Variants in KIF1A observed in about 807,000 individuals in gnomAD.
KIF1A encodes the protein kinesin-like protein KIF1A.
KIF1A carries 46 observed loss-of-function variants against 227.3 expected under a neutral mutation model. The ratio of observed to expected loss-of-function variants is 0.20; its 90% CI spans 0.16 to 0.26. The LOEUF (loss-of-function observed/expected upper bound fraction) is 0.26, where lower values mean the gene tolerates loss of function less well. Ranked by LOEUF, KIF1A falls within the 10% of genes least tolerant of loss-of-function variation. The pLI is 1.00. For missense variants in KIF1A, 1,683 were observed against 2,485.9 expected, an observed-to-expected ratio of 0.68 and a Z score of 6.87; for synonymous variants, 1,022 against 1,012.8, an observed-to-expected ratio of 1.01 and a Z score of -0.17.
rs977868651 is a variant in KIF1A, at chr2:240,778,278, G to A, written c.883-2352C>T. On this transcript the variant is annotated intron_variant, in intron 10 of 48. Coordinates refer to ENST00000498729, the MANE Select transcript of KIF1A (RefSeq NM_001244008.2). This position sits in a 1 kb window ranked among gnomAD's most constrained non-coding sequence, Gnocchi z 7.2. ...TGTGGAGTTCTTTACACAGTTCCAC[G>A]CGATCCTCACCTAGGTCTCTACATA... 1.3e-5 allele frequency among the ~76,000 whole-genome samples: 2 copies of A among 151,878 alleles called. No homozygotes were observed. The highest frequency in any genetic ancestry group is 2.4e-5 in the African/African-American group (1 of 41,312).
In KIF1A at chr2:240,726,472, G is replaced by A. The variant is rs775651395; in HGVS notation, c.4122+354C>T. Reference sequence around the variant, plus strand: ...CTAAAAGTTCAAAAATTAGCCGGGCGTGGTGGCAGGCACCTGTAATCCCAG... The same window carrying A: ...CTAAAAGTTCAAAAATTAGCCGGGCATGGTGGCAGGCACCTGTAATCCCAG... On this transcript the variant is annotated intron_variant, in intron 39 of 48. Transcript: ENST00000498729. The surrounding 1 kb of genome is among the most constrained non-coding windows in gnomAD (Gnocchi z 5.2). 4.7e-4 allele frequency among the ~76,000 whole-genome samples: 71 copies of A among 152,294 alleles called. No homozygotes were observed. Among genetic ancestry groups the A allele is most frequent in the South Asian group, 1.9e-3 (9 of 4,822 alleles).
chr2:240,729,850 C>A (rs942200702), intron 38 of KIF1A, among the ~76,000 whole-genome samples: 2 of 152,220 alleles, frequency 1.3e-5, no homozygotes, highest in African/African-American at 4.8e-5. Context: ...CTTTCCAGAC[C>A]ACTGTCCCCT....
chr2:240,802,651 T>C (rs2126179164), intron 1 of KIF1A, among the ~76,000 whole-genome samples: 1 of 152,338 alleles, frequency 6.6e-6, no homozygotes, highest in Middle Eastern at 3.4e-3. Flanking sequence ...TTTATTTAGT[T>C]TGAGACCGGG....
In KIF1A at chr2:240,790,110, C is replaced by T; in HGVS notation, c.107-798G>A. Among the ~76,000 whole-genome samples the T allele has an allele frequency of 6.6e-6, 1 of 152,198 alleles. No homozygotes were observed. Among genetic ancestry groups the T allele is most frequent in the East Asian group, 1.9e-4 (1 of 5,168 alleles). ...TGCCACCTTCCATCCTTGCCCCCAG[C>T]ATTTCCCAGGCCCTGGACGGGCCTG... On this transcript the variant is annotated intron_variant, in intron 2 of 48. Coordinates refer to ENST00000498729, the MANE Select transcript of KIF1A (RefSeq NM_001244008.2). The surrounding 1 kb of genome is among the most constrained non-coding windows in gnomAD (Gnocchi z 5.0).
rs2047763804 is a variant in KIF1A at position 240,739,996 on chromosome 2, G to A, written c.3901+62C>T. 3.7e-6 allele frequency: 5 copies of A among 1,336,178 alleles called. No individual in the cohort carries two copies. The South Asian group carries it at 6.3e-5, about 17-fold the overall frequency. 82.8% of individuals were successfully genotyped at this position (1,336,178 alleles called of 1,614,324 possible). A position where few individuals can be genotyped will look rare whatever the true frequency, so the allele number is the denominator to read the frequency against. On this transcript the variant is annotated intron_variant, in intron 37 of 48. Coordinates refer to ENST00000498729, the MANE Select transcript of KIF1A (RefSeq NM_001244008.2). This position sits in a 1 kb window ranked among gnomAD's most constrained non-coding sequence, Gnocchi z 5.6. Reference sequence around the variant, plus strand: ...GTTAGAACCCGGGTATCCAGCTCAGGGCCTGTACTCTTCCCACCAGCTCAG... The same window carrying A: ...GTTAGAACCCGGGTATCCAGCTCAGAGCCTGTACTCTTCCCACCAGCTCAG...
chr2:240,725,566 C>T lies in KIF1A; in HGVS notation c.4123-162G>A, dbSNP rs926236509. ...GGACGCAGGCAGGAGAAAGTCTCTG[C>T]TCCTGCCCTCGAGAAAACCCCACTG... On this transcript the variant is annotated intron_variant, in intron 39 of 48. Coordinates refer to ENST00000498729, the MANE Select transcript of KIF1A (RefSeq NM_001244008.2). The surrounding 1 kb of genome is among the most constrained non-coding windows in gnomAD (Gnocchi z 5.8). 1.8e-5 allele frequency: 13 copies of T among 716,920 alleles called. No individual in the cohort carries two copies. The highest frequency in any genetic ancestry group is 2.9e-5 in the Non-Finnish European group (13 of 446,804). The allele number at this position is 716,920 out of a possible 1,614,324, so 44.4% of individuals were successfully genotyped here. A position where few individuals can be genotyped will look rare whatever the true frequency, so the allele number is the denominator to read the frequency against.
In KIF1A at chr2:240,790,016, G is replaced by A. The variant is rs1575640431; in HGVS notation, c.107-704C>T. Among the ~76,000 whole-genome samples, 4 of 152,244 alleles carry A rather than the reference G, an allele frequency of 2.6e-5. No individual in the cohort carries two copies. The South Asian group carries it at 8.3e-4, about 32-fold the overall frequency. On this transcript the variant is annotated intron_variant, in intron 2 of 48. Transcript: ENST00000498729. The surrounding 1 kb of genome is among the most constrained non-coding windows in gnomAD (Gnocchi z 5.0). ...GGGGGGTTTCCCAGGAGCTGTCCCA[G>A]TATGAGTGTCCCAGGAGCTCCTCCC...
intron 19 of KIF1A, among the ~76,000 whole-genome samples, 183 bp from the exon 20 acceptor site, chr2:240,765,976 C>T (rs1022726959): frequency 1.3e-5 from 2 of 152,244 alleles, no homozygotes; most frequent in African/African-American, 4.8e-5. Flanking sequence ...GGGTCTCACC[C>T]CACTTAACAG....
chr2:240,785,714 G>A (rs2054653558), intron 6 of KIF1A, among the ~76,000 whole-genome samples: 1 of 152,212 alleles, frequency 6.6e-6, no homozygotes, highest in South Asian at 2.1e-4. Flanking sequence ...TGCGCTGTGG[G>A]CCTCATCAGG....
At chr2:240,795,130 G>C (rs560741652) in intron 2 of KIF1A, among the ~76,000 whole-genome samples, 5 of 152,158 alleles carry the variant, frequency 3.3e-5, no homozygotes, top group Non-Finnish European at 7.3e-5. Flanking sequence ...AGAAGGGGAG[G>C]TTCCTTCAGG....
At chr2:240,780,080 GCGAGTTCCTC>G (rs1559521654) in intron 10 of KIF1A, among the ~76,000 whole-genome samples, 1 of 151,204 alleles carries the variant, frequency 6.6e-6, no homozygotes, top group Non-Finnish European at 1.5e-5. Flanking sequence ...TCAGGCCCCC[GCGAGTTCCTC>G]CGAGTTCCCG....
In KIF1A at chr2:240,787,283, T is replaced by A; in HGVS notation, c.397A>T (p.Thr133Ser). ...CEDLFSRIND[T>S]TNDNMSYSVE... is the part of the protein sequence containing the mutation. ...GAGTAGGACATGTTGTCGTTGGTCG[T>A]GTCGTTGATCCGAGAGAAGAGGTCC... The change falls in exon 5 of 49, where the codon ACG (threonine) becomes TCG (serine). Residue 133 changes from threonine (T) to serine (S), a missense_variant. By Grantham distance (58) the Thr-to-Ser change is moderately conservative. This residue lies in a region of KIF1A where 75 missense variants were observed against 131.2 expected (regional missense o/e 0.57). Coordinates refer to ENST00000498729, the MANE Select transcript of KIF1A (RefSeq NM_001244008.2). The A allele has an allele frequency of 6.2e-7, 1 of 1,613,306 alleles. No homozygotes were observed. The highest frequency in any genetic ancestry group is 8.5e-7 in the Non-Finnish European group (1 of 1,179,750).
rs545355156 is a variant in KIF1A at position 240,789,061 on chromosome 2, G to A, written c.183+175C>T. On this transcript the variant is annotated intron_variant, in intron 3 of 48. Transcript: ENST00000498729. The surrounding 1 kb of genome is among the most constrained non-coding windows in gnomAD (Gnocchi z 4.8). ...AGCTGAAGGCCCCTCAGTTCCTGCA[G>A]CCTCCATCACTGCCTTCGCTGAGGA... Among the ~76,000 whole-genome samples the A allele has an allele frequency of 1.2e-4, 19 of 152,336 alleles. No homozygotes were observed. The highest frequency in any genetic ancestry group is 4.1e-4 in the African/African-American group (17 of 41,574).
At chr2:240,810,225 A>G (rs890864464) in intron 1 of KIF1A, among the ~76,000 whole-genome samples, 1 of 152,274 alleles carries the variant, frequency 6.6e-6, no homozygotes, top group African/African-American at 2.4e-5. Context: ...TCTGCAACAC[A>G]TACAATTCAA....
rs1575594754 is a variant in KIF1A at position 240,766,720 on chromosome 2, A to C, written c.1684+195T>G. Among the ~76,000 whole-genome samples, 4 of 109,188 alleles carry C rather than the reference A, an allele frequency of 3.7e-5. No homozygotes were observed. Among genetic ancestry groups the C allele is most frequent in the Admixed American group, 9.0e-5 (1 of 11,096 alleles). The allele number at this position is 109,188 out of a possible 152,430, so 71.6% of individuals were successfully genotyped here. On this transcript the variant is annotated intron_variant, in intron 19 of 48. Transcript: ENST00000498729. This position sits in a 1 kb window ranked among gnomAD's most constrained non-coding sequence, Gnocchi z 5.0. ...GCCCCAAATATCTCTCTCTCTCTCC[A>C]AATCTCTCTCTCTCTCTCTCTCTCT...
chr2:240,729,628 T>C (rs868409241), intron 38 of KIF1A, among the ~76,000 whole-genome samples: 33 of 152,186 alleles, frequency 2.2e-4, no homozygotes, highest in African/African-American at 8.0e-4. Context: ...AAGTAGAACA[T>C]GAACCCACTT....
chr2:240,773,296 G>T, intron 12 of KIF1A, 40 bp from the exon 13 acceptor site: 1 of 1,611,248 alleles, frequency 6.2e-7, no homozygotes. Flanking sequence ...CTCGGGACAG[G>T]TCCACATCTG....
At chr2:240,791,557 G>A (rs965184888) in intron 2 of KIF1A, among the ~76,000 whole-genome samples, 4 of 143,952 alleles carry the variant, frequency 2.8e-5, no homozygotes, top group Middle Eastern at 3.6e-3. Context: ...CACTCAGGTC[G>A]GGCTCCCCGC....
intron 38 of KIF1A, among the ~76,000 whole-genome samples, chr2:240,735,081 G>A (rs985804881): frequency 1.8e-4 from 27 of 152,334 alleles, no homozygotes; most frequent in Middle Eastern, 3.4e-3. Context: ...GCCACAGGAC[G>A]GTGCCTGCCT....
Sources: allele counts gnomAD v4.1 joint callset (sites outside exome capture counted in the v4.1 genomes callset), GRCh38; gene constraint gnomAD v4.1.1; regional missense constraint gnomAD v4.1.1; non-coding constraint Gnocchi (gnomAD v3.1); transcripts MANE v1.5; gene names NCBI Gene and HGNC (gene_info 2026-07-23, HGNC 2026-07-21).